Variants in ABCA13 observed in about 807,000 individuals in gnomAD.
ABCA13 encodes ATP binding cassette subfamily A member 13, also known as ATP-binding cassette sub-family A member 13.
A neutral mutation model predicts 478.7 loss-of-function variants in ABCA13; 476 were observed. The ratio of observed to expected loss-of-function variants is 0.99; its 90% confidence interval spans 0.92 to 1.07. The LOEUF is 1.07. Ranked by LOEUF, ABCA13 falls within the 50% of genes least tolerant of loss-of-function variation. The pLI, the probability that ABCA13 is intolerant of heterozygous loss-of-function variation, is 0.00. For synonymous variants in ABCA13, 2,252 were observed against 2,158.9 expected, an observed-to-expected ratio of 1.04 and a Z score of -1.20; for missense variants, 6,060 against 5,910.6, an observed-to-expected ratio of 1.03 and a Z score of -0.83.
chr7:48,240,687 A>G (rs2129013105), intron 9 of ABCA13, among the ~76,000 whole-genome samples, 180 bp from the exon 10 acceptor site: 1 of 152,300 alleles, frequency 6.6e-6, no homozygotes, highest in South Asian at 2.1e-4. Context: ...GCAACATGAA[A>G]TCTTTAATTT....
At chr7:48,632,118 A>T (rs913088647) in intron 59 of ABCA13, among the ~76,000 whole-genome samples, 3 of 152,110 alleles carry the variant, frequency 2.0e-5, no homozygotes, top group Admixed American at 1.3e-4. Flanking sequence ...GCAAACAGAG[A>T]TAGATTTACT....
At position 48,643,400 on chromosome 7, in the gene ABCA13, C is replaced by A. The variant is rs28610321; in HGVS notation, c.14943+7C>A. On this transcript the variant is annotated splice_region_variant and intron_variant, in intron 60 of 61. Transcript: ENST00000435803. The stretch of plus-strand genomic sequence containing the variant: ...TCCAGGAATTCAGTTCAAGGTAGTG[C>A]TAATATCTTGTATTATTTCTTTGTT... 1.9e-6 allele frequency: 3 copies of A among 1,584,816 alleles called. No individual in the cohort carries two copies. Among genetic ancestry groups the A allele is most frequent in the South Asian group, 2.2e-5 (2 of 89,728 alleles).
chr7:48,554,445 C>T (rs564959010), intron 55 of ABCA13, among the ~76,000 whole-genome samples: 34 of 151,988 alleles, frequency 2.2e-4, no homozygotes, highest in Non-Finnish European at 3.7e-4. Flanking sequence ...ATTGATTCTT[C>T]CAATTCATGA....
intron 1 of ABCA13, among the ~76,000 whole-genome samples, chr7:48,178,034 T>G (rs1466441622): frequency 1.3e-5 from 2 of 152,086 alleles, no homozygotes; most frequent in Non-Finnish European, 2.9e-5. Context: ...CCCTTTGTAT[T>G]TTTTTTAGCA....
chr7:48,370,288 T>A (rs1231900105), intron 32 of ABCA13, among the ~76,000 whole-genome samples: 1 of 152,180 alleles, frequency 6.6e-6, no homozygotes, highest in Non-Finnish European at 1.5e-5. Flanking sequence ...CTAGGAGCTT[T>A]TTGGATGAGT....
chr7:48,343,888 C>A (rs996504175), intron 29 of ABCA13, among the ~76,000 whole-genome samples: 1 of 152,142 alleles, frequency 6.6e-6, no homozygotes, highest in East Asian at 1.9e-4. Context: ...GACAGCTCTT[C>A]AATTAAGGGG....
chr7:48,322,073 G>C (rs1288087904), intron 27 of ABCA13, among the ~76,000 whole-genome samples: 1 of 152,200 alleles, frequency 6.6e-6, no homozygotes, highest in Non-Finnish European at 1.5e-5. Flanking sequence ...GTAAAAACTG[G>C]ATCAGCTACA....
chr7:48,275,667 A>C lies in ABCA13; in HGVS notation c.6001A>C (p.Asn2001His), dbSNP rs747664389. 1.9e-6 allele frequency: 3 copies of C among 1,599,368 alleles called. No homozygotes were observed. The highest frequency in any genetic ancestry group is 1.7e-5 in the Admixed American group (1 of 57,202). ...ETSVQNIISSNLERTVQLISE... is the reference protein window; with the variant it reads ...ETSVQNIISSHLERTVQLISE... Reference sequence around the variant, plus strand: ...ATCTGTTCAAAATATTATTTCCTCAAATTTGGAAAGGACAGTACAATTGAT... The same window carrying C: ...ATCTGTTCAAAATATTATTTCCTCACATTTGGAAAGGACAGTACAATTGAT... Residue 2001 changes from asparagine to histidine, a missense_variant, in exon 17 of 62, where the codon AAT (asparagine) becomes CAT (histidine). By Grantham distance (68) the Asn-to-His change is moderately conservative. Around this residue, in one of 3 missense-constraint regions of ABCA13, gnomAD observed 4,423 missense variants for 4,309.1 expected, o/e 1.03. Transcript: ENST00000435803.
chr7:48,540,005 G>T (rs1833851239), intron 55 of ABCA13, among the ~76,000 whole-genome samples: 1 of 152,140 alleles, frequency 6.6e-6, no homozygotes, highest in Non-Finnish European at 1.5e-5. Flanking sequence ...AGAAAGTAGA[G>T]AAAATTTATT....
intron 42 of ABCA13, among the ~76,000 whole-genome samples, 191 bp from the exon 43 acceptor site, chr7:48,454,846 T>C (rs1385637043): frequency 1.3e-5 from 2 of 152,144 alleles, no homozygotes; most frequent in Non-Finnish European, 2.9e-5. Context: ...ATTGCAGCCT[T>C]CCGGCCCAAG....
intron 23 of ABCA13, among the ~76,000 whole-genome samples, chr7:48,307,807 A>G (rs1485799725): frequency 2.6e-5 from 4 of 152,052 alleles, no homozygotes; most frequent in African/African-American, 9.7e-5. Flanking sequence ...CAGTCTCCCA[A>G]GCAGCTGGGA....
At chr7:48,244,335 A>G (rs1396471033) in intron 10 of ABCA13, among the ~76,000 whole-genome samples, 1 of 152,230 alleles carries the variant, frequency 6.6e-6, no homozygotes, top group Non-Finnish European at 1.5e-5. Flanking sequence ...CTAGGAATAT[A>G]CTTTCCCATT....
At position 48,245,499 on chromosome 7, in the gene ABCA13, G is replaced by T. The variant is rs1311491577; in HGVS notation, c.1391-13G>T. The T allele has an allele frequency of 5.0e-6, 8 of 1,597,790 alleles. No homozygotes were observed. The highest frequency in any genetic ancestry group is 1.1e-5 in the South Asian group (1 of 87,088). ...ACCTTAGGTGAATAATAATCAATTT[G>T]TCTACTTTGCAGAAGTCCTCATTTG... On this transcript the variant is annotated splice_polypyrimidine_tract_variant and intron_variant, in intron 11 of 61. Transcript: ENST00000435803.
At chr7:48,559,314 T>C (rs4587280) in intron 55 of ABCA13, among the ~76,000 whole-genome samples, 21,061 of 152,112 alleles carry the variant, frequency 0.14, 1,828 homozygotes, top group African/African-American at 0.23. Flanking sequence ...CCACCATCAC[T>C]ACTGGCTCAC....
At position 48,314,325 on chromosome 7, in the gene ABCA13, G is replaced by A. The variant is rs774039645; in HGVS notation, c.9775G>A (p.Asp3259Asn). Residue 3259 changes from aspartate (D) to asparagine (N), a missense_variant, in exon 26 of 62, where the codon GAT becomes AAT. Transcript: ENST00000435803. ...VCKDQASFLS[D>N]SNMFINLPRV... ...CAAGGACCAAGCATCATTCCTTAGCGATTCTAATATGTTTATTAATTTGCC... is the reference window on the plus strand; with the variant it reads ...CAAGGACCAAGCATCATTCCTTAGCAATTCTAATATGTTTATTAATTTGCC... 1.7e-5 allele frequency: 27 copies of A among 1,613,090 alleles called. No individual in the cohort carries two copies. The highest frequency in any genetic ancestry group is 2.2e-5 in the Non-Finnish European group (26 of 1,179,530).
Position 48,244,568 on chromosome 7 carries a change from G to A in ABCA13, c.1263-8G>A, listed in dbSNP as rs781079830. The A allele has an allele frequency of 6.2e-7, 1 of 1,609,598 alleles. No individual in the cohort carries two copies. Among genetic ancestry groups the A allele is most frequent in the Admixed American group, 1.7e-5 (1 of 59,662 alleles). ...CATTTTATTTCATTTATTTATTTTT[G>A]CCCTCAGATTACAGCATCTGTGGAA... is the stretch of plus-strand genomic sequence containing the variant. On this transcript the variant is annotated splice_region_variant and splice_polypyrimidine_tract_variant and intron_variant, in intron 10 of 61. Coordinates refer to ENST00000435803, the MANE Select transcript of ABCA13 (RefSeq NM_152701.5).
chr7:48,345,321 G>A (rs972742315), intron 29 of ABCA13, among the ~76,000 whole-genome samples: 3 of 152,188 alleles, frequency 2.0e-5, no homozygotes, highest in Non-Finnish European at 2.9e-5. Flanking sequence ...TAAGTGTAAA[G>A]CAGCCTCAAG....
At chr7:48,594,289 A>G (rs1790060539) in intron 57 of ABCA13, among the ~76,000 whole-genome samples, 1 of 152,006 alleles carries the variant, frequency 6.6e-6, no homozygotes, top group South Asian at 2.1e-4. Context: ...CCTTGACTGG[A>G]TAATTTCAAA....
intron 24 of ABCA13, among the ~76,000 whole-genome samples, chr7:48,311,287 G>T (rs1801736227): frequency 6.6e-6 from 1 of 151,974 alleles, no homozygotes; most frequent in Admixed American, 6.6e-5. Context: ...CACACTCCAA[G>T]AACAAATATT....
Sources: allele counts gnomAD v4.1 joint callset (sites outside exome capture counted in the v4.1 genomes callset), GRCh38; gene constraint gnomAD v4.1.1; regional missense constraint gnomAD v4.1.1; transcripts MANE v1.5; gene names NCBI Gene and HGNC (gene_info 2026-07-23, HGNC 2026-07-21).